Variants in RNFT2 observed in about 807,000 individuals in gnomAD.
RNFT2 encodes the protein E3 ubiquitin-protein ligase RNFT2.
Under a neutral mutation model 53.0 loss-of-function variants are expected in RNFT2, and 36 were observed. The ratio of observed to expected loss-of-function variants is 0.68; its 90% confidence interval spans 0.52 to 0.90. RNFT2 has a LOEUF of 0.90. Ranked by LOEUF, RNFT2 falls within the 40% of genes least tolerant of loss-of-function variation. The pLI is 0.00. For missense variants in RNFT2, 514 were observed against 585.6 expected, an observed-to-expected ratio of 0.88 and a Z score of 1.26; for synonymous variants, 260 against 253.2, an observed-to-expected ratio of 1.03 and a Z score of -0.26.
intron 3 of RNFT2, 91 bp downstream of exon 3, chr12:116,741,185 C>A: frequency 1.0e-6 from 1 of 970,986 alleles, no homozygotes; most frequent in Non-Finnish European, 1.6e-6. Flanking sequence ...ACCTCACCCT[C>A]AGCGTTAGTT....
intron 7 of RNFT2, among the ~76,000 whole-genome samples, chr12:116,811,354 G>GTAAA (rs1256697356): frequency 2.0e-5 from 3 of 149,148 alleles, no homozygotes; most frequent in Non-Finnish European, 4.4e-5. Context: ...CCTGGCACAT[G>GTAAA]TAAATGCTCA....
intron 7 of RNFT2, among the ~76,000 whole-genome samples, chr12:116,797,584 T>C (rs1343168210): frequency 6.6e-6 from 1 of 150,738 alleles, no homozygotes; most frequent in East Asian, 1.9e-4. Flanking sequence ...TCACTAGTGA[T>C]GCAAGGCAGG....
At chr12:116,768,299 C>T (rs1043670478) in intron 6 of RNFT2, among the ~76,000 whole-genome samples, 1 of 152,058 alleles carries the variant, frequency 6.6e-6, no homozygotes, top group Non-Finnish European at 1.5e-5. Flanking sequence ...TGGGGTTTCA[C>T]CATGTTGGCC....
chr12:116,804,055 T>G (rs1592968486), intron 7 of RNFT2, among the ~76,000 whole-genome samples: 1 of 152,234 alleles, frequency 6.6e-6, no homozygotes, highest in Non-Finnish European at 1.5e-5. Flanking sequence ...AAATGTGTAT[T>G]CCTTCTCCTT....
In RNFT2 at chr12:116,841,978, GA is replaced by G. The variant is rs1565876339; in HGVS notation, c.1200+5697del. On this transcript the variant is annotated intron_variant, in intron 10 of 10. Transcript: ENST00000257575. ...ATATATAGAGAGAGAGAGAGAGAGA[GA>G]GAGAGAGGGAGGATCCAGGTACAAC... is the stretch of plus-strand genomic sequence containing the variant. Among the ~76,000 whole-genome samples the G allele has an allele frequency of 4.4e-4, 60 of 134,990 alleles. 3 individuals carry two copies. Among genetic ancestry groups the G allele is most frequent in the African/African-American group, 1.7e-3 (59 of 35,452 alleles). The allele number at this position is 134,990 out of a possible 152,430, so 88.6% of individuals were successfully genotyped here.
chr12:116,781,577 G>A (rs79321021), intron 7 of RNFT2, among the ~76,000 whole-genome samples: 7,066 of 151,558 alleles, frequency 0.047, 167 homozygotes, highest in African/African-American at 0.054. Flanking sequence ...CAGGTTGAGC[G>A]TTCTCTCCTC....
chr12:116,841,790 TATAAATATATATATAAATATATATATAA>T (rs1565875883), intron 10 of RNFT2, among the ~76,000 whole-genome samples: 56 of 91,914 alleles, frequency 6.1e-4, no homozygotes, highest in South Asian at 2.0e-3. Context: ...AATATATATA[TATAAATATATATATAAATATATATATAA>T]AAATATATAT....
At chr12:116,810,301 C>A (rs1875306940) in intron 7 of RNFT2, among the ~76,000 whole-genome samples, 1 of 152,132 alleles carries the variant, frequency 6.6e-6, no homozygotes, top group South Asian at 2.1e-4. Context: ...CTGGGAGTTA[C>A]CCAGGCATCG....
intron 7 of RNFT2, among the ~76,000 whole-genome samples, chr12:116,822,972 G>T (rs1282854628): frequency 1.3e-5 from 2 of 152,184 alleles, no homozygotes; most frequent in East Asian, 3.8e-4. Flanking sequence ...ACTCCAGGTT[G>T]GGCGATAGTG....
At chr12:116,750,798 TATATATATATA>T (rs1872157091) in intron 4 of RNFT2, among the ~76,000 whole-genome samples, 2 of 60,338 alleles carry the variant, frequency 3.3e-5, no homozygotes, top group African/African-American at 1.3e-4. Context: ...TGTGTGTGTG[TATATATATATA>T]ATATATATAT....
intron 7 of RNFT2, among the ~76,000 whole-genome samples, chr12:116,825,654 T>C (rs150717658): frequency 6.6e-6 from 1 of 152,346 alleles, no homozygotes; most frequent in East Asian, 1.9e-4. Context: ...TGGGAACATT[T>C]ATACCACAGA....
Position 116,740,406 on chromosome 12 carries a change from A to G in RNFT2, c.-92A>G. 4.8e-6 allele frequency: 6 copies of G among 1,255,340 alleles called. No homozygotes were observed. Among genetic ancestry groups the G allele is most frequent in the South Asian group, 1.3e-5 (1 of 78,054 alleles). 77.8% of individuals were successfully genotyped at this position (1,255,340 alleles called of 1,614,324 possible). ...CCCTCTGGAGACGAAGAGGAGGGGGAGGCCTGTCCTCTCTGGGATCCATTG... is the reference window on the plus strand; with the variant it reads ...CCCTCTGGAGACGAAGAGGAGGGGGGGGCCTGTCCTCTCTGGGATCCATTG... On this transcript the variant is annotated 5_prime_UTR_variant, in exon 2 of 11. Coordinates refer to ENST00000257575, the MANE Select transcript of RNFT2 (RefSeq NM_001382266.1).
At chr12:116,771,131 T>C (rs996336073) in intron 6 of RNFT2, among the ~76,000 whole-genome samples, 1 of 152,144 alleles carries the variant, frequency 6.6e-6, no homozygotes, top group Non-Finnish European at 1.5e-5. Context: ...TGCTGACTCC[T>C]GACCTAAAAT....
chr12:116,805,599 T>C (rs867649940), intron 7 of RNFT2, among the ~76,000 whole-genome samples: 2 of 152,154 alleles, frequency 1.3e-5, no homozygotes, highest in Non-Finnish European at 2.9e-5. Context: ...CTCAGCCTCC[T>C]GAGTAGCTGG....
At chr12:116,741,126 GCT>G in intron 3 of RNFT2, 32 bp downstream of exon 3, 2 of 1,587,958 alleles carry the variant, frequency 1.3e-6, no homozygotes, top group Non-Finnish European at 1.7e-6. Flanking sequence ...CCATCTGAGG[GCT>G]CTAGGCTTCG....
intron 7 of RNFT2, chr12:116,800,986 AC>A (rs1177852301): frequency 6.6e-6 from 1 of 152,180 alleles, no homozygotes; most frequent in Non-Finnish European, 1.5e-5. Flanking sequence ...AACAGCTGAT[AC>A]GTCTAGGATT....
At position 116,851,383 on chromosome 12, in the gene RNFT2, C is replaced by A; in HGVS notation, c.*1935C>A. ...CCCCAGCAGAGCCCGCACTCTTAAC[C>A]TCCGCACTGCTCTGCCCCTCAGACA... is the stretch of plus-strand genomic sequence containing the variant. On this transcript the variant is annotated 3_prime_UTR_variant, in exon 11 of 11. Coordinates refer to ENST00000257575, the MANE Select transcript of RNFT2 (RefSeq NM_001382266.1). 3.5e-6 allele frequency: 1 copy of A among 282,504 alleles called. No homozygotes were observed. The highest frequency in any genetic ancestry group is 4.3e-5 in the South Asian group (1 of 23,468). 17.5% of individuals were successfully genotyped at this position (282,504 alleles called of 1,614,324 possible).
intron 7 of RNFT2, among the ~76,000 whole-genome samples, chr12:116,779,957 A>C (rs1170211314): frequency 6.6e-6 from 1 of 151,676 alleles, no homozygotes; most frequent in African/African-American, 2.4e-5. Flanking sequence ...GGACATAGTG[A>C]TTGCCAGTGG....
chr12:116,820,970 C>CTTCCCTCCCCTGCCTCTGTGT (rs1390932610), intron 7 of RNFT2, among the ~76,000 whole-genome samples: 2 of 152,086 alleles, frequency 1.3e-5, no homozygotes, highest in Non-Finnish European at 2.9e-5. Context: ...CCACTCTGTT[C>CTTCCCTCCCCTGCCTCTGTGT]TTCCCTCCCC....
Sources: allele counts gnomAD v4.1 joint callset (sites outside exome capture counted in the v4.1 genomes callset), GRCh38; gene constraint gnomAD v4.1.1; transcripts MANE v1.5; gene names NCBI Gene and HGNC (gene_info 2026-07-23, HGNC 2026-07-21).